The following NEGR1 variants were observed in gnomAD, a reference collection of about 807,000 sequenced individuals.
The protein encoded by NEGR1 is neuronal growth regulator 1.
Under a neutral mutation model 40.9 loss-of-function variants are expected in NEGR1, and 10 were observed. That is an observed-to-expected ratio of 0.24 (90% CI 0.15 to 0.42). The LOEUF (loss-of-function observed/expected upper bound fraction) is 0.42, where lower values mean the gene tolerates loss of function less well. Ranked by LOEUF, NEGR1 falls within the 10% of genes least tolerant of loss-of-function variation. The pLI, the probability that NEGR1 is intolerant of heterozygous loss-of-function variation, is 1.00. For synonymous variants in NEGR1, 185 were observed against 166.8 expected (o/e 1.11, Z -0.84); for missense variants, 352 against 438.9 (o/e 0.80, Z 1.77).
chr1:71,465,849 C>T (rs1646741946), intron 6 of NEGR1, among the ~76,000 whole-genome samples: 1 of 151,854 alleles, frequency 6.6e-6, no homozygotes, highest in Non-Finnish European at 1.5e-5. Flanking sequence ...GGAGAAATAC[C>T]AGTTAGAAAA....
chr1:71,936,918 A>G (rs1421216289), intron 1 of NEGR1, among the ~76,000 whole-genome samples: 1 of 152,202 alleles, frequency 6.6e-6, no homozygotes, highest in African/African-American at 2.4e-5. Flanking sequence ...TTCTGTTACA[A>G]ATTAAAGACT....
intron 6 of NEGR1, among the ~76,000 whole-genome samples, chr1:71,573,187 C>T (rs1333803018): frequency 6.6e-6 from 1 of 151,928 alleles, no homozygotes; most frequent in African/African-American, 2.4e-5. Context: ...TGGTTAGCTA[C>T]ATGAATAGAA....
intron 1 of NEGR1, among the ~76,000 whole-genome samples, chr1:71,966,325 G>A (rs1002536627): frequency 6.6e-6 from 1 of 152,114 alleles, no homozygotes. Flanking sequence ...CACGTGCTCT[G>A]TCCAAAGCAT....
intron 1 of NEGR1, among the ~76,000 whole-genome samples, chr1:71,945,302 G>C (rs10158968): frequency 0.036 from 5,538 of 152,154 alleles, 330 homozygotes; most frequent in African/African-American, 0.13. Flanking sequence ...TAGGACAGAA[G>C]GAGGTGCATG....
At chr1:72,001,698 C>A (rs1239185822) in intron 1 of NEGR1, among the ~76,000 whole-genome samples, 1 of 150,446 alleles carries the variant, frequency 6.6e-6, no homozygotes, top group East Asian at 1.9e-4. Context: ...CACATGCAAT[C>A]TTATAGATAG....
At chr1:72,278,986 G>T (rs1325433343) in intron 1 of NEGR1, among the ~76,000 whole-genome samples, 2 of 151,884 alleles carry the variant, frequency 1.3e-5, no homozygotes, top group Non-Finnish European at 2.9e-5. Flanking sequence ...TATCAAGAAG[G>T]TCCAAATAAT....
chr1:71,973,144 G>A (rs190871167), intron 1 of NEGR1, among the ~76,000 whole-genome samples: 343 of 151,872 alleles, frequency 2.3e-3, no homozygotes, highest in African/African-American at 7.9e-3. Context: ...GTGAAACCCC[G>A]TCTCTACTAA....
chr1:71,783,865 T>A (rs1175615619), intron 2 of NEGR1, among the ~76,000 whole-genome samples: 1 of 140,488 alleles, frequency 7.1e-6, no homozygotes, highest in Admixed American at 7.6e-5. Flanking sequence ...CATCCATCCA[T>A]CCATCCATCC....
At chr1:72,129,483 T>C (rs555852549) in intron 1 of NEGR1, among the ~76,000 whole-genome samples, 5 of 152,306 alleles carry the variant, frequency 3.3e-5, no homozygotes, top group Middle Eastern at 3.4e-3. Flanking sequence ...ATACCAGAGC[T>C]AGTGGGAGTG....
chr1:71,656,471 GGC>G (rs1651879023), intron 4 of NEGR1, among the ~76,000 whole-genome samples: 1 of 152,138 alleles, frequency 6.6e-6, no homozygotes, highest in Non-Finnish European at 1.5e-5. Context: ...GGAGTGCAGT[GGC>G]GGGATCTCGG....
intron 1 of NEGR1, among the ~76,000 whole-genome samples, chr1:71,939,076 T>C (rs574819043): frequency 9.7e-4 from 148 of 152,230 alleles, no homozygotes; most frequent in African/African-American, 3.5e-3. Flanking sequence ...TTTTCCACTT[T>C]ACTCTGCTCT....
chr1:71,618,496 C>T (rs891984535), intron 4 of NEGR1, among the ~76,000 whole-genome samples: 18 of 152,022 alleles, frequency 1.2e-4, no homozygotes, highest in Non-Finnish European at 2.6e-4. Context: ...TCACAGCCAC[C>T]AAAATGAGAT....
At chr1:71,458,313 A>T (rs1162143661) in intron 6 of NEGR1, among the ~76,000 whole-genome samples, 2 of 152,156 alleles carry the variant, frequency 1.3e-5, no homozygotes, top group Non-Finnish European at 2.9e-5. Context: ...TATACATACC[A>T]TTCCTTTGTC....
intron 1 of NEGR1, among the ~76,000 whole-genome samples, chr1:72,243,625 A>G (rs1450137323): frequency 1.3e-5 from 2 of 151,830 alleles, no homozygotes; most frequent in Admixed American, 6.6e-5. Flanking sequence ...TCATTAATAA[A>G]GTTTTTTCCC....
chr1:72,075,264 T>C (rs573590716), intron 1 of NEGR1, among the ~76,000 whole-genome samples: 1 of 152,282 alleles, frequency 6.6e-6, no homozygotes, highest in Admixed American at 6.5e-5. Context: ...GTTTTTACAA[T>C]TTCTTGAAAG....
chr1:72,032,701 C>T (rs1340492069), intron 1 of NEGR1, among the ~76,000 whole-genome samples: 1 of 152,132 alleles, frequency 6.6e-6, no homozygotes, highest in African/African-American at 2.4e-5. Flanking sequence ...AAAAAATCAT[C>T]TTGCTTCTCT....
chr1:72,228,194 G>T (rs1570148241), intron 1 of NEGR1, among the ~76,000 whole-genome samples: 1 of 152,134 alleles, frequency 6.6e-6, no homozygotes, highest in East Asian at 1.9e-4. Flanking sequence ...GTTTGTGAGA[G>T]TGTTTCTGGA....
At chr1:71,604,769 T>A (rs1371491555) in intron 5 of NEGR1, among the ~76,000 whole-genome samples, 3 of 152,102 alleles carry the variant, frequency 2.0e-5, no homozygotes, top group African/African-American at 7.2e-5. Context: ...CATGCATATT[T>A]TATGCACCTA....
intron 1 of NEGR1, among the ~76,000 whole-genome samples, chr1:71,953,523 T>C (rs184096559): frequency 6.6e-6 from 1 of 152,126 alleles, no homozygotes; most frequent in African/African-American, 2.4e-5. Context: ...TTACAAAAAC[T>C]TATTTGATAA....
Sources: gnomAD v4.1 joint callset for allele counts (sites outside exome capture counted in the v4.1 genomes callset) on GRCh38, gnomAD v4.1.1 for gene constraint, MANE v1.5 for transcripts, NCBI Gene and HGNC (gene_info 2026-07-23, HGNC 2026-07-21) for gene names.